CACNA2D3: variants seen among roughly 807,000 people sequenced by gnomAD.
CACNA2D3 encodes voltage-dependent calcium channel subunit alpha-2/delta-3.
CACNA2D3 carries 60 observed loss-of-function variants against 160.6 expected under a neutral mutation model. The ratio of observed to expected loss-of-function variants is 0.37; its 90% confidence interval spans 0.30 to 0.46. The LOEUF (loss-of-function observed/expected upper bound fraction) is 0.46. CACNA2D3 is among the 20% of genes least tolerant of loss of function. The pLI, the probability that CACNA2D3 is intolerant of heterozygous loss-of-function variation, is 1.00. For synonymous variants in CACNA2D3, 558 were observed against 492.9 expected (o/e 1.13, Z -1.75); for missense variants, 1,205 against 1,365.0 (o/e 0.88, Z 1.85).
At chr3:54,350,758 G>T (rs1185208361) in intron 3 of CACNA2D3, among the ~76,000 whole-genome samples, 2 of 152,060 alleles carry the variant, frequency 1.3e-5, no homozygotes, top group Non-Finnish European at 2.9e-5. Context: ...GTAAAATACT[G>T]TGAATTTTGT....
chr3:54,508,113 G>T (rs1701401734), intron 5 of CACNA2D3, among the ~76,000 whole-genome samples: 1 of 152,206 alleles, frequency 6.6e-6, no homozygotes. Context: ...GGGCAAGTTG[G>T]GCAGATCCCA....
intron 11 of CACNA2D3, among the ~76,000 whole-genome samples, chr3:54,694,015 T>A (rs11925949): frequency 0.25 from 38,151 of 152,070 alleles, 5,145 homozygotes; most frequent in African/African-American, 0.29. Context: ...CCTAAGTGTA[T>A]AGTGCTTCTA....
chr3:54,123,161 G>GC (rs1491483818), intron 1 of CACNA2D3, among the ~76,000 whole-genome samples: 1 of 49,874 alleles, frequency 2.0e-5, no homozygotes, highest in African/African-American at 6.0e-5. Context: ...TTCTTTTTTT[G>GC]GGGGGGGGAT....
At position 54,252,100 on chromosome 3, in the gene CACNA2D3, G is replaced by GTTTTTTTTTTTTTTTTTTTTT. The variant is rs548233026; in HGVS notation, c.205-68328_205-68327insTTTTTTTTTTTTTTTTTTTTT. Among the ~76,000 whole-genome samples, 21 of 120,974 alleles carry GTTTTTTTTTTTTTTTTTTTTT rather than the reference G, an allele frequency of 1.7e-4. 1 individual carries two copies. Among genetic ancestry groups the GTTTTTTTTTTTTTTTTTTTTT allele is most frequent in the East Asian group, 9.2e-4 (4 of 4,352 alleles). 79.4% of individuals were successfully genotyped at this position (120,974 alleles called of 152,430 possible). Reference sequence around the variant, plus strand: ...TCCAATTTCTCTTTTTGCAGAGCTAGTTTTTTTTTTTTTTGTACGATACTC... The same window carrying GTTTTTTTTTTTTTTTTTTTTT: ...TCCAATTTCTCTTTTTGCAGAGCTAGTTTTTTTTTTTTTTTTTTTTTTTTTTTTTTTTTTTGTACGATACTC... On this transcript the variant is annotated intron_variant, in intron 2 of 37. Coordinates refer to ENST00000474759, the MANE Select transcript of CACNA2D3 (RefSeq NM_018398.3).
intron 3 of CACNA2D3, among the ~76,000 whole-genome samples, chr3:54,337,775 C>T (rs927650046): frequency 2.6e-5 from 4 of 152,170 alleles, no homozygotes; most frequent in Non-Finnish European, 4.4e-5. Flanking sequence ...TCCTTTCTTC[C>T]AATAGGTGGC....
chr3:54,698,753 A>G (rs1700711367), intron 11 of CACNA2D3, among the ~76,000 whole-genome samples: 1 of 152,218 alleles, frequency 6.6e-6, no homozygotes, highest in African/African-American at 2.4e-5. Context: ...CAACATAGAA[A>G]TAAACACATT....
chr3:54,820,783 C>T (rs190122938), intron 14 of CACNA2D3, among the ~76,000 whole-genome samples: 28 of 151,978 alleles, frequency 1.8e-4, no homozygotes, highest in East Asian at 5.8e-4. Flanking sequence ...CAGAAGTGTC[C>T]GAGAGATCTG....
intron 3 of CACNA2D3, among the ~76,000 whole-genome samples, chr3:54,378,433 C>T (rs1242184447): frequency 1.3e-5 from 2 of 152,146 alleles, no homozygotes; most frequent in African/African-American, 4.8e-5. Flanking sequence ...GCTGTGCAGC[C>T]CAGTTCCTAA....
intron 27 of CACNA2D3, among the ~76,000 whole-genome samples, chr3:54,922,858 G>C (rs1242728051): frequency 6.6e-6 from 1 of 152,024 alleles, no homozygotes; most frequent in Admixed American, 6.6e-5. Context: ...TCAGCTGAAG[G>C]CATCACCATT....
chr3:54,944,622 C>T (rs1281246559), intron 27 of CACNA2D3, among the ~76,000 whole-genome samples: 2 of 151,984 alleles, frequency 1.3e-5, no homozygotes, highest in African/African-American at 4.8e-5. Context: ...AGGGTTTCAC[C>T]GTGTTAGCCA....
intron 18 of CACNA2D3, 177 bp from the exon 19 acceptor site, chr3:54,878,841 A>G (rs1483817854): frequency 1.6e-5 from 7 of 449,372 alleles, no homozygotes; most frequent in Admixed American, 8.4e-5. Flanking sequence ...TCATTTATTT[A>G]TTGTTGTTAG....
intron 2 of CACNA2D3, among the ~76,000 whole-genome samples, chr3:54,124,153 TGCCGGGTAATA>T (rs1195012700): frequency 2.0e-5 from 3 of 152,214 alleles, no homozygotes; most frequent in African/African-American, 7.2e-5. Context: ...TCAGCTGCAC[TGCCGGGTAATA>T]ACCTATGAGA....
At chr3:54,681,354 T>C (rs1174176555) in intron 11 of CACNA2D3, among the ~76,000 whole-genome samples, 2 of 120,566 alleles carry the variant, frequency 1.7e-5, no homozygotes, top group Non-Finnish European at 3.2e-5. Flanking sequence ...CTGACCAACA[T>C]GGTGAAACCC....
chr3:54,285,931 G>A (rs368390748), intron 2 of CACNA2D3, among the ~76,000 whole-genome samples: 10 of 152,176 alleles, frequency 6.6e-5, no homozygotes, highest in Admixed American at 2.0e-4. Context: ...CCATCTGTAC[G>A]TCACCATCAT....
At chr3:54,453,218 T>A (rs1700339137) in intron 4 of CACNA2D3, among the ~76,000 whole-genome samples, 1 of 152,152 alleles carries the variant, frequency 6.6e-6, no homozygotes, top group Non-Finnish European at 1.5e-5. Context: ...GCCTTGAATT[T>A]CTAGGCTCAA....
At chr3:54,927,903 A>C (rs758683843) in intron 27 of CACNA2D3, 1 of 1,613,692 alleles carries the variant, frequency 6.2e-7, no homozygotes, top group South Asian at 1.1e-5. Flanking sequence ...ATCAGGGCTC[A>C]CCTTTCATGA....
Position 54,386,781 on chromosome 3 carries a change from G to A in CACNA2D3, c.381+7G>A. On this transcript the variant is annotated splice_region_variant and intron_variant, in intron 4 of 37. Transcript: ENST00000474759. ...ATTTGATGCAGACTTACAGGTAACT[G>A]ATTATAGTTTGAGTTAAATTGTTTT... 2 of 1,587,906 alleles carry A rather than the reference G, an allele frequency of 1.3e-6. No individual in the cohort carries two copies. Among genetic ancestry groups the A allele is most frequent in the Non-Finnish European group, 1.7e-6 (2 of 1,165,874 alleles).
intron 11 of CACNA2D3, among the ~76,000 whole-genome samples, chr3:54,749,886 A>T (rs796770853): frequency 3.3e-5 from 5 of 152,350 alleles, no homozygotes; most frequent in African/African-American, 1.2e-4. Flanking sequence ...TAATACCCAT[A>T]AACCCCTCAG....
At chr3:54,886,935 C>CTTTTTTTTT (rs60899252) in intron 23 of CACNA2D3, among the ~76,000 whole-genome samples, 13,658 of 107,226 alleles carry the variant, frequency 0.13, 1,760 homozygotes, top group African/African-American at 0.2. Flanking sequence ...CAGCAAAGCT[C>CTTTTTTTTT]TTTTTTTTTT....
Sources: gnomAD v4.1 joint callset for allele counts (sites outside exome capture counted in the v4.1 genomes callset) on GRCh38, gnomAD v4.1.1 for gene constraint, MANE v1.5 for transcripts, NCBI Gene and HGNC (gene_info 2026-07-23, HGNC 2026-07-21) for gene names.